UNC79: variants seen among roughly 807,000 people sequenced by gnomAD.
UNC79 encodes unc-79 subunit of NALCN channel complex.
In UNC79, 37 loss-of-function variants were observed where a neutral mutation model predicts 283.1. That is an observed-to-expected ratio of 0.13 (90% confidence interval 0.10 to 0.17). The LOEUF (loss-of-function observed/expected upper bound fraction) is 0.17, where lower values mean the gene tolerates loss of function less well. UNC79 is among the 10% of genes least tolerant of loss of function. The probability of loss-of-function intolerance (pLI) is 1.00; values close to 1 mark genes in which losing one functional copy is unlikely to be tolerated. For synonymous variants in UNC79, 1,107 were observed against 1,200.2 expected, an observed-to-expected ratio of 0.92 and a Z score of 1.61; for missense variants, 2,272 against 3,211.1, an observed-to-expected ratio of 0.71 and a Z score of 7.07.
chr14:93,467,313 AT>A (rs1251013263), intron 1 of UNC79, among the ~76,000 whole-genome samples: 1 of 152,078 alleles, frequency 6.6e-6, no homozygotes, highest in Non-Finnish European at 1.5e-5. Flanking sequence ...ATCTATTATT[AT>A]TTTGCTAATA....
intron 31 of UNC79, among the ~76,000 whole-genome samples, chr14:93,634,988 G>A (rs1038402807): frequency 2.0e-5 from 3 of 152,124 alleles, no homozygotes. Flanking sequence ...AAACTACAAA[G>A]TACGCCCCAA....
intron 31 of UNC79, among the ~76,000 whole-genome samples, chr14:93,636,335 G>A (rs765281770): frequency 5.9e-5 from 9 of 152,008 alleles, no homozygotes; most frequent in Non-Finnish European, 1.2e-4. Flanking sequence ...ATTGGTTCTC[G>A]TGGTTCTCGA....
intron 47 of UNC79, among the ~76,000 whole-genome samples, chr14:93,701,970 T>C (rs940352424): frequency 6.6e-6 from 1 of 152,212 alleles, no homozygotes; most frequent in Admixed American, 6.5e-5. Flanking sequence ...TCCCTGACCC[T>C]ACTCTTCTCA....
At chr14:93,353,889 A>G (rs2054028036) in intron 1 of UNC79, among the ~76,000 whole-genome samples, 2 of 152,240 alleles carry the variant, frequency 1.3e-5, no homozygotes, top group South Asian at 4.1e-4. Context: ...ATACAAAGAC[A>G]AAGTCAGTGC....
chr14:93,689,922 TG>T (rs758510004), intron 44 of UNC79, 194 bp from the exon 48 acceptor site: 15 of 593,202 alleles, frequency 2.5e-5, no homozygotes, highest in Non-Finnish European at 4.4e-5. Flanking sequence ...CTCAAGAAGC[TG>T]AGATCCAGGA....
At position 93,637,764 on chromosome 14, in the gene UNC79, A is replaced by C. The variant is rs1476554645; in HGVS notation, c.5800+465A>C. Among the ~76,000 whole-genome samples, 20 of 152,152 alleles carry C rather than the reference A, an allele frequency of 1.3e-4. 1 individual carries two copies. Among genetic ancestry groups the C allele is most frequent in the Admixed American group, 1.2e-3 (19 of 15,258 alleles). On this transcript the variant is annotated intron_variant, in intron 32 of 48. Transcript: ENST00000555664. ...TGAGCCACCATGCCTGGCCTCTTCTATAATTTTTGGACATTGCTTATTCCC... is the reference window on the plus strand; with the variant it reads ...TGAGCCACCATGCCTGGCCTCTTCTCTAATTTTTGGACATTGCTTATTCCC...
chr14:93,684,354 T>G (rs2074078606), intron 42 of UNC79, among the ~76,000 whole-genome samples: 1 of 152,176 alleles, frequency 6.6e-6, no homozygotes, highest in Admixed American at 6.5e-5. Context: ...AAAATAAATA[T>G]GCACATGTTT....
intron 1 of UNC79, among the ~76,000 whole-genome samples, chr14:93,394,706 C>T (rs1388252122): frequency 6.6e-6 from 1 of 151,642 alleles, no homozygotes; most frequent in Admixed American, 6.6e-5. Context: ...TGCACCCGGC[C>T]ATTTTATGTT....
intron 2 of UNC79, among the ~76,000 whole-genome samples, chr14:93,472,738 T>C (rs1283833641): frequency 6.6e-6 from 1 of 152,120 alleles, no homozygotes; most frequent in Non-Finnish European, 1.5e-5. Flanking sequence ...GACATCACTG[T>C]AAAATTGTAA....
At chr14:93,691,353 C>G (rs894299072) in intron 45 of UNC79, 5 of 251,008 alleles carry the variant, frequency 2.0e-5, no homozygotes, top group African/African-American at 4.3e-5. Context: ...ATATCACCTG[C>G]TTTACTCCCA....
intron 1 of UNC79, among the ~76,000 whole-genome samples, chr14:93,432,012 A>G (rs1259821453): frequency 1.3e-5 from 2 of 152,218 alleles, no homozygotes; most frequent in Non-Finnish European, 2.9e-5. Context: ...TTAACAATAT[A>G]CCAGAACTTA....
At chr14:93,625,837 T>C (rs2067532145) in intron 30 of UNC79, among the ~76,000 whole-genome samples, 1 of 152,206 alleles carries the variant, frequency 6.6e-6, no homozygotes, top group Non-Finnish European at 1.5e-5. Flanking sequence ...TACCTGCACC[T>C]ATCAGATGAA....
intron 26 of UNC79, among the ~76,000 whole-genome samples, chr14:93,609,189 A>C (rs1391136871): frequency 6.6e-6 from 1 of 151,674 alleles, no homozygotes; most frequent in Non-Finnish European, 1.5e-5. Flanking sequence ...TTTGGGGACC[A>C]GTTTATAGCA....
intron 4 of UNC79, among the ~76,000 whole-genome samples, chr14:93,483,469 A>C (rs1055419126): frequency 2.0e-5 from 3 of 151,644 alleles, no homozygotes. Context: ...TCACCATATC[A>C]GGTAACACAG....
At chr14:93,546,107 A>G (rs905612106) in intron 14 of UNC79, among the ~76,000 whole-genome samples, 1 of 152,260 alleles carries the variant, frequency 6.6e-6, no homozygotes, top group Admixed American at 6.5e-5. Flanking sequence ...AGGTTCTATC[A>G]TAGTGATGTT....
exon 19 of UNC79, chr14:93,580,244 G>C (rs2063717273): frequency 5.0e-6 from 8 of 1,614,138 alleles, no homozygotes; most frequent in Non-Finnish European, 6.8e-6. Context: ...AAGCCCCCTG[G>C]GGGGGATCCC....
chr14:93,470,905 A>T lies in UNC79; in HGVS notation c.143+3114A>T, dbSNP rs186910308. ...ATTTTCAACAGCGAAGGTCTTTAAG[A>T]ATCTTGCTTTTTACCTGGCAGGACA... On this transcript the variant is annotated intron_variant, in intron 2 of 48. Coordinates refer to ENST00000555664, the Ensembl canonical transcript of UNC79. Among the ~76,000 whole-genome samples, 8 of 152,226 alleles carry T rather than the reference A, an allele frequency of 5.3e-5. No homozygotes were observed. In the East Asian group the frequency reaches 1.5e-3, roughly 29 times the overall value.
At chr14:93,554,034 G>A (rs941437745) in intron 14 of UNC79, among the ~76,000 whole-genome samples, 1 of 152,160 alleles carries the variant, frequency 6.6e-6, no homozygotes, top group African/African-American at 2.4e-5. Context: ...AGAGGACTCA[G>A]CTTTCTAAAT....
chr14:93,567,089 G>C (rs761384194), intron 14 of UNC79, among the ~76,000 whole-genome samples: 1 of 152,200 alleles, frequency 6.6e-6, no homozygotes, highest in East Asian at 1.9e-4. Flanking sequence ...TGGAGGTTAT[G>C]AATGGACCAT....
Sources: allele counts gnomAD v4.1 joint callset (sites outside exome capture counted in the v4.1 genomes callset), GRCh38; gene constraint gnomAD v4.1.1; transcripts MANE v1.5; gene names NCBI Gene and HGNC (gene_info 2026-07-23, HGNC 2026-07-21).